The following LRRTM4 variants were observed in gnomAD, a reference collection of about 807,000 sequenced individuals.
LRRTM4 encodes leucine rich repeat transmembrane neuronal 4.
LRRTM4 carries 25 observed loss-of-function variants against 47.6 expected under a neutral mutation model. The observed-to-expected ratio is 0.53, with a 90% CI of 0.38 to 0.73. LRRTM4 has a LOEUF of 0.73. LRRTM4 is among the 30% of genes least tolerant of loss of function. LRRTM4 has a pLI of 0.00. For synonymous variants in LRRTM4, 311 were observed against 269.5 expected, an observed-to-expected ratio of 1.15 and a Z score of -1.51; for missense variants, 638 against 713.4, an observed-to-expected ratio of 0.89 and a Z score of 1.20.
At chr2:76,788,690 T>A (rs934276878) in intron 3 of LRRTM4, among the ~76,000 whole-genome samples, 1 of 152,192 alleles carries the variant, frequency 6.6e-6, no homozygotes, top group African/African-American at 2.4e-5. Flanking sequence ...TGTAGGACTG[T>A]GTGTCTTTGT....
intron 3 of LRRTM4, among the ~76,000 whole-genome samples, chr2:77,003,472 A>C (rs1156449675): frequency 6.6e-6 from 1 of 152,078 alleles, no homozygotes; most frequent in Non-Finnish European, 1.5e-5. Context: ...CTTTCTTGTG[A>C]TAGTGAGTAA....
At chr2:77,413,853 C>CAA (rs989281819) in intron 3 of LRRTM4, among the ~76,000 whole-genome samples, 9 of 152,012 alleles carry the variant, frequency 5.9e-5, no homozygotes, top group African/African-American at 1.9e-4. Context: ...TACACACACA[C>CAA]ACACACACAC....
At chr2:77,492,567 C>G (rs912875878) in intron 3 of LRRTM4, among the ~76,000 whole-genome samples, 1 of 152,074 alleles carries the variant, frequency 6.6e-6, no homozygotes, top group African/African-American at 2.4e-5. Flanking sequence ...CTTCACTATA[C>G]ATTTCTAATT....
At chr2:76,794,499 T>G (rs1436740563) in intron 3 of LRRTM4, among the ~76,000 whole-genome samples, 2 of 152,222 alleles carry the variant, frequency 1.3e-5, no homozygotes, top group Admixed American at 1.3e-4. Context: ...ATTACTGGTA[T>G]AGGCAAACAT....
intron 3 of LRRTM4, among the ~76,000 whole-genome samples, chr2:76,812,672 GCT>G (rs1491315246): frequency 3.1e-4 from 26 of 83,356 alleles, no homozygotes; most frequent in East Asian, 6.5e-4. Context: ...TTACAAATAA[GCT>G]CTTTCTTTCT....
intron 3 of LRRTM4, among the ~76,000 whole-genome samples, chr2:77,121,784 G>C (rs1447830350): frequency 6.6e-6 from 1 of 151,782 alleles, no homozygotes; most frequent in East Asian, 1.9e-4. Context: ...AAACAAGTGA[G>C]ATGATATTTA....
chr2:76,971,047 G>A (rs1243291536), intron 3 of LRRTM4, among the ~76,000 whole-genome samples: 1 of 151,944 alleles, frequency 6.6e-6, no homozygotes, highest in Non-Finnish European at 1.5e-5. Context: ...TAGGTAATGT[G>A]ATGGTCCAAA....
At chr2:76,989,076 G>C (rs1445385735) in intron 3 of LRRTM4, among the ~76,000 whole-genome samples, 1 of 151,626 alleles carries the variant, frequency 6.6e-6, no homozygotes, top group African/African-American at 2.4e-5. Context: ...TTCTCAAATA[G>C]TTATTTTAGG....
At chr2:76,980,688 C>T (rs745659141) in intron 3 of LRRTM4, among the ~76,000 whole-genome samples, 49 of 151,860 alleles carry the variant, frequency 3.2e-4, no homozygotes, top group Non-Finnish European at 6.0e-4. Flanking sequence ...ATTTTAAATT[C>T]GAGAGTAATG....
intron 3 of LRRTM4, among the ~76,000 whole-genome samples, chr2:77,439,393 G>T (rs962921711): frequency 4.6e-5 from 7 of 151,342 alleles, no homozygotes; most frequent in Admixed American, 2.0e-4. Flanking sequence ...AGTCAAATAG[G>T]TACATATCCA....
intron 3 of LRRTM4, among the ~76,000 whole-genome samples, chr2:77,254,832 A>G (rs527528051): frequency 6.6e-6 from 1 of 151,826 alleles, no homozygotes; most frequent in South Asian, 2.1e-4. Flanking sequence ...ATTTTAAACA[A>G]TGGTCAAGTA....
At chr2:76,984,996 C>T (rs2103975306) in intron 3 of LRRTM4, among the ~76,000 whole-genome samples, 1 of 152,090 alleles carries the variant, frequency 6.6e-6, no homozygotes, top group East Asian at 1.9e-4. Context: ...AGAAGTTTCA[C>T]TACGACAGCA....
At chr2:76,845,728 A>T (rs2103950648) in intron 3 of LRRTM4, among the ~76,000 whole-genome samples, 1 of 152,326 alleles carries the variant, frequency 6.6e-6, no homozygotes, top group Middle Eastern at 3.4e-3. Context: ...CTATTTATAA[A>T]TGTGTCTCCA....
At chr2:76,974,223 C>CATATATCT (rs1294649444) in intron 3 of LRRTM4, among the ~76,000 whole-genome samples, 4 of 115,998 alleles carry the variant, frequency 3.4e-5, no homozygotes, top group Non-Finnish European at 6.6e-5. Context: ...CATATATATA[C>CATATATCT]ATACATATAT....
At chr2:77,286,749 A>T (rs1468309935) in intron 3 of LRRTM4, among the ~76,000 whole-genome samples, 1 of 152,122 alleles carries the variant, frequency 6.6e-6, no homozygotes. Context: ...CATTAACAAT[A>T]CAAAATATTA....
intron 3 of LRRTM4, among the ~76,000 whole-genome samples, chr2:77,258,839 C>G (rs1190476092): frequency 2.6e-5 from 4 of 151,730 alleles, no homozygotes; most frequent in Admixed American, 2.6e-4. Flanking sequence ...TGATAAAGTT[C>G]ACCTATTAAT....
At chr2:76,967,006 C>A (rs575478335) in intron 3 of LRRTM4, among the ~76,000 whole-genome samples, 1 of 151,476 alleles carries the variant, frequency 6.6e-6, no homozygotes, top group East Asian at 2.0e-4. Flanking sequence ...TTAAAACTGC[C>A]AAATCACCTA....
At chr2:77,409,552 G>A (rs1053470120) in intron 3 of LRRTM4, among the ~76,000 whole-genome samples, 1 of 152,110 alleles carries the variant, frequency 6.6e-6, no homozygotes, top group Non-Finnish European at 1.5e-5. Context: ...CAGCCTTTTA[G>A]TAGGTTCAAT....
chr2:77,242,746 A>G (rs1191432774), intron 3 of LRRTM4, among the ~76,000 whole-genome samples: 1 of 152,214 alleles, frequency 6.6e-6, no homozygotes, highest in Non-Finnish European at 1.5e-5. Flanking sequence ...GGATGTGTGG[A>G]GAAATTAGAA....
Sources: gnomAD v4.1 joint callset for allele counts (sites outside exome capture counted in the v4.1 genomes callset) on GRCh38, gnomAD v4.1.1 for gene constraint, MANE v1.5 for transcripts, NCBI Gene and HGNC (gene_info 2026-07-23, HGNC 2026-07-21) for gene names.